The following AOC2 variants were observed in gnomAD, a reference collection of about 807,000 sequenced individuals.
The protein encoded by AOC2 is amine oxidase copper containing 2.
A neutral mutation model predicts 53.8 loss-of-function variants in AOC2; 57 were observed. The ratio of observed to expected loss-of-function variants is 1.06; its 90% CI spans 0.86 to 1.32. The LOEUF is 1.32. Among genes scored for constraint, AOC2 ranks in the 40% most tolerant of loss-of-function variants. The pLI, the probability that AOC2 is intolerant of heterozygous loss-of-function variation, is 0.00. For missense variants in AOC2, 1,008 were observed against 957.2 expected (o/e 1.05, Z -0.70); for synonymous variants, 404 against 399.0 (o/e 1.01, Z -0.15).
intron 1 of AOC2, among the ~76,000 whole-genome samples, chr17:42,846,665 G>A (rs2055602061): frequency 6.6e-6 from 1 of 152,122 alleles, no homozygotes; most frequent in South Asian, 2.1e-4. Context: ...GGTGGGGGTC[G>A]ACCTGGGGCT....
At position 42,845,386 on chromosome 17, in the gene AOC2, A is replaced by G; in HGVS notation, c.760A>G (p.Thr254Ala). The G allele has an allele frequency of 3.7e-6, 6 of 1,614,158 alleles. No individual in the cohort carries two copies. The highest frequency in any genetic ancestry group is 5.1e-6 in the Non-Finnish European group (6 of 1,180,018). ...DHRALDPAHW[T>A]VQQVFYLGHY... ...CAGGGCCCTGGACCCTGCCCACTGG[A>G]CTGTCCAGCAGGTCTTCTACCTTGG... is the stretch of plus-strand genomic sequence containing the variant. The change falls in exon 1 of 4, where the codon ACT becomes GCT. Residue 254 changes from threonine to alanine, a missense_variant. Transcript: ENST00000253799.
chr17:42,845,756 G>A lies in AOC2; in HGVS notation c.1130G>A (p.Arg377His), dbSNP rs1308162195. ...GATTCACCCAAGACGATGCTGACTC[G>A]CTATTTGGATAGCAGCTTTGGACTC... is the stretch of plus-strand genomic sequence containing the variant. ...GADSPKTMLT[R>H]YLDSSFGLGR... Residue 377 changes from arginine to histidine, a missense_variant, in exon 1 of 4, where the codon CGC becomes CAC. Transcript: ENST00000253799. 22 of 1,614,020 alleles carry A rather than the reference G, an allele frequency of 1.4e-5. No homozygotes were observed. The highest frequency in any genetic ancestry group is 2.2e-5 in the East Asian group (1 of 44,898).
chr17:42,849,625 A>C lies in AOC2; in HGVS notation c.1899A>C (p.Arg633Ser). Residue 633 changes from arginine to serine, a missense_variant, in exon 3 of 4, where the codon AGA (arginine) becomes AGC (serine). Transcript: ENST00000253799. ...WGRYQLVVTQ[R>S]KEEESQSSSI... is the part of the protein sequence containing the mutation. ...GATACCAGCTTGTGGTGACCCAGAG[A>C]AAGGAGGAGGAGTCACAGAGCAGTA... is the stretch of plus-strand genomic sequence containing the variant. 1 of 1,614,190 alleles carries C rather than the reference A, an allele frequency of 6.2e-7. No individual in the cohort carries two copies. The highest frequency in any genetic ancestry group is 8.5e-7 in the Non-Finnish European group (1 of 1,180,020).
At chr17:42,848,820 G>T (rs1332060053) in intron 1 of AOC2, among the ~76,000 whole-genome samples, 1 of 151,938 alleles carries the variant, frequency 6.6e-6, no homozygotes, top group African/African-American at 2.4e-5. Context: ...CAAAGTGCTG[G>T]GATTGCAGGT....
At chr17:42,847,215 G>A (rs1236404083) in intron 1 of AOC2, among the ~76,000 whole-genome samples, 2 of 152,200 alleles carry the variant, frequency 1.3e-5, no homozygotes, top group Non-Finnish European at 2.9e-5. Flanking sequence ...CTTCTGATTG[G>A]AAGTTTTTCT....
intron 1 of AOC2, among the ~76,000 whole-genome samples, chr17:42,848,874 C>T (rs537939446): frequency 1.1e-4 from 17 of 152,120 alleles, no homozygotes; most frequent in African/African-American, 4.1e-4. Context: ...TTCATAGCCA[C>T]GTGTGGCTAG....
Position 42,850,319 on chromosome 17 carries a change from T to G in AOC2, c.2242T>G (p.Leu748Val), listed in dbSNP as rs1365734147. The G allele has an allele frequency of 1.9e-6, 3 of 1,605,924 alleles. No homozygotes were observed. The highest frequency in any genetic ancestry group is 1.7e-5 in the Admixed American group (1 of 59,784). Residue 748 changes from leucine (L) to valine (V), a missense_variant, in exon 4 of 4, where the codon TTA becomes GTA. Leu to Val is a conservative substitution (Grantham distance 32, BLOSUM62 1). Coordinates refer to ENST00000253799, the MANE Select transcript of AOC2 (RefSeq NM_009590.4). ...CGACCTGGCAGCCTGTGTCCCGGACTTACCCCCTTTCTCTTACCACGGCTT... is the reference window on the plus strand; with the variant it reads ...CGACCTGGCAGCCTGTGTCCCGGACGTACCCCCTTTCTCTTACCACGGCTT... ...LPDLAACVPD[L>V]PPFSYHGF
Position 42,849,167 on chromosome 17 carries a change from G to T in AOC2, c.1670G>T (p.Arg557Leu). 1 of 1,614,146 alleles carries T rather than the reference G, an allele frequency of 6.2e-7. No individual in the cohort carries two copies. Among genetic ancestry groups the T allele is most frequent in the Non-Finnish European group, 8.5e-7 (1 of 1,180,006 alleles). ...TGGAACCCGGAGCACTGGCTACAGC[G>T]CCCACAGCTGACTCGGCAGGTCCTG... Reference protein sequence around the residue: ...APWNPEHWLQRPQLTRQVLGK... With the variant: ...APWNPEHWLQLPQLTRQVLGK... Residue 557 changes from arginine (R) to leucine (L), a missense_variant, in exon 2 of 4, where the codon CGC becomes CTC. By Grantham distance (102) the Arg-to-Leu change is moderately radical. Transcript: ENST00000253799.
chr17:42,847,440 T>C (rs1305712760), intron 1 of AOC2, among the ~76,000 whole-genome samples: 2 of 152,140 alleles, frequency 1.3e-5, no homozygotes, highest in African/African-American at 4.8e-5. Flanking sequence ...CTGCAGAAAG[T>C]GTATGACCAA....
At chr17:42,848,524 A>AATATATATATAT (rs71228780) in intron 1 of AOC2, among the ~76,000 whole-genome samples, 61 of 131,244 alleles carry the variant, frequency 4.6e-4, no homozygotes, top group Admixed American at 2.1e-3. Context: ...AGAGGAACTG[A>AATATATATATAT]ATATATATAT....
rs546881691 is a variant in AOC2 at position 42,846,437 on chromosome 17, C to G, written c.1588+223C>G. ...TATCTGGTAAAAGGTGAAAAGAGTT[C>G]CCCCGCCCAGCCCCTCTGACTTGCT... On this transcript the variant is annotated intron_variant, in intron 1 of 3. Coordinates refer to ENST00000253799, the MANE Select transcript of AOC2 (RefSeq NM_009590.4). Among the ~76,000 whole-genome samples the G allele has an allele frequency of 8.5e-5, 13 of 152,268 alleles. No homozygotes were observed. In the South Asian group the frequency reaches 2.5e-3, roughly 29 times the overall value.
Position 42,849,138 on chromosome 17 carries a change from C to T in AOC2, c.1641C>T (p.Ala547=). The T allele has an allele frequency of 1.9e-6, 3 of 1,614,070 alleles. No homozygotes were observed. The highest frequency in any genetic ancestry group is 1.7e-4 in the Middle Eastern group (1 of 6,060). The change falls in exon 2 of 4, where the codon GCC becomes GCT. Residue 547 remains alanine, a synonymous_variant. Coordinates refer to ENST00000253799, the MANE Select transcript of AOC2 (RefSeq NM_009590.4). ...AEDVVFKPVA[A]PWNPEHWLQR... is the part of the protein sequence containing the mutation. ...ACGTGGTGTTTAAACCTGTGGCTGCCCCCTGGAACCCGGAGCACTGGCTAC... is the reference window on the plus strand; with the variant it reads ...ACGTGGTGTTTAAACCTGTGGCTGCTCCCTGGAACCCGGAGCACTGGCTAC...
Position 42,844,762 on chromosome 17 carries a change from C to T in AOC2, c.136C>T (p.Pro46Ser). ...HCPSVSHRAQ[P>S]WPHPGQSQLF... Reference sequence around the variant, plus strand: ...CCCCTCTGTATCCCATAGGGCCCAGCCCTGGCCACACCCTGGCCAGAGCCA... The same window carrying T: ...CCCCTCTGTATCCCATAGGGCCCAGTCCTGGCCACACCCTGGCCAGAGCCA... Residue 46 changes from proline to serine, a missense_variant, in exon 1 of 4, where the codon CCC becomes TCC. Transcript: ENST00000253799. 6.2e-7 allele frequency: 1 copy of T among 1,614,234 alleles called. No homozygotes were observed. The highest frequency in any genetic ancestry group is 8.5e-7 in the Non-Finnish European group (1 of 1,180,028).
intron 1 of AOC2, among the ~76,000 whole-genome samples, chr17:42,847,004 T>C (rs1413887657): frequency 3.3e-5 from 5 of 152,228 alleles, no homozygotes; most frequent in Non-Finnish European, 7.3e-5. Flanking sequence ...CCAAGTATAA[T>C]GCAACATAAA....
chr17:42,850,471 A>G lies in AOC2; in HGVS notation c.*123A>G. The G allele has an allele frequency of 1.7e-6, 2 of 1,188,008 alleles. No homozygotes were observed. The highest frequency in any genetic ancestry group is 2.3e-6 in the Non-Finnish European group (2 of 866,454). 73.6% of individuals were successfully genotyped at this position (1,188,008 alleles called of 1,614,324 possible). Reference sequence around the variant, plus strand: ...CCCACCCCCTCAATGTTCCTCTCACACGAAACCCCCATCAGTCCCTTTGGT... The same window carrying G: ...CCCACCCCCTCAATGTTCCTCTCACGCGAAACCCCCATCAGTCCCTTTGGT... On this transcript the variant is annotated 3_prime_UTR_variant, in exon 4 of 4. Coordinates refer to ENST00000253799, the MANE Select transcript of AOC2 (RefSeq NM_009590.4).
Position 42,849,205 on chromosome 17 carries a change from C to T in AOC2, c.1708C>T (p.Leu570=), listed in dbSNP as rs1002213011. The change falls in exon 2 of 4, where the codon CTG becomes TTG. Residue 570 remains leucine, a synonymous_variant. Coordinates refer to ENST00000253799, the MANE Select transcript of AOC2 (RefSeq NM_009590.4). ...TCGGCAGGTCCTGGGAAAGGAGGAC[C>T]TGACAGCTTTTTCCTTGGGAAGCCC... ...LTRQVLGKED[L]TAFSLGSPLP... is the part of the protein sequence containing the mutation. 9.9e-6 allele frequency: 16 copies of T among 1,614,206 alleles called. No individual in the cohort carries two copies. The highest frequency in any genetic ancestry group is 1.4e-5 in the Non-Finnish European group (16 of 1,180,036).
At chr17:42,846,334 C>G (rs1366715883) in intron 1 of AOC2, 120 bp downstream of exon 1, 7 of 1,124,776 alleles carry the variant, frequency 6.2e-6, no homozygotes, top group Admixed American at 3.0e-5. Flanking sequence ...GGTGTTCCAA[C>G]ACCACAGCTC....
chr17:42,849,845 G>A, intron 3 of AOC2, 115 bp downstream of exon 3: 1 of 1,490,988 alleles, frequency 6.7e-7, no homozygotes, highest in Non-Finnish European at 9.2e-7. Flanking sequence ...AGATTCAGAG[G>A]CCATGGAGTT....
chr17:42,849,779 C>T (rs1021210955), intron 3 of AOC2, 49 bp downstream of exon 3: 4 of 1,611,444 alleles, frequency 2.5e-6, no homozygotes, highest in African/African-American at 1.3e-5. Flanking sequence ...GGCATGGCAT[C>T]TTGGCTGCCC....
Sources: gnomAD v4.1 joint callset for allele counts (sites outside exome capture counted in the v4.1 genomes callset) on GRCh38, gnomAD v4.1.1 for gene constraint, MANE v1.5 for transcripts, NCBI Gene and HGNC (gene_info 2026-07-23, HGNC 2026-07-21) for gene names.